IFTAP: variants seen among roughly 807,000 people sequenced by gnomAD.
The protein encoded by IFTAP is intraflagellar transport associated protein.
A neutral mutation model predicts 19.4 loss-of-function variants in IFTAP; 19 were observed. The ratio of observed to expected loss-of-function variants is 0.98; its 90% CI spans 0.68 to 1.44. The LOEUF (loss-of-function observed/expected upper bound fraction) is 1.44. Ranked by LOEUF, IFTAP falls within the 40% of genes most tolerant of loss-of-function variation. The pLI is 0.00. For missense variants in IFTAP, 240 were observed against 253.6 expected (o/e 0.95, Z 0.36); for synonymous variants, 85 against 83.5 (o/e 1.02, Z -0.10).
chr11:36,617,882 C>T (rs1354728678), intron 2 of IFTAP, among the ~76,000 whole-genome samples: 5 of 151,892 alleles, frequency 3.3e-5, no homozygotes, highest in Non-Finnish European at 5.9e-5. Flanking sequence ...TACAATTATA[C>T]CTCTCTCAGA....
chr11:36,648,909 A>G (rs1033261045), intron 5 of IFTAP, among the ~76,000 whole-genome samples: 3 of 152,146 alleles, frequency 2.0e-5, no homozygotes, highest in Admixed American at 2.0e-4. Flanking sequence ...AATCTATGCC[A>G]TATATTTACT....
intron 2 of IFTAP, among the ~76,000 whole-genome samples, chr11:36,628,519 G>C (rs769078025): frequency 6.6e-6 from 1 of 151,130 alleles, no homozygotes; most frequent in Non-Finnish European, 1.5e-5. Context: ...TGCATGTATG[G>C]CTTAACTTCC....
chr11:36,639,622 C>T (rs547824965), intron 4 of IFTAP, among the ~76,000 whole-genome samples: 1 of 152,080 alleles, frequency 6.6e-6, no homozygotes, highest in South Asian at 2.1e-4. Context: ...AAAGAGGTGC[C>T]AGGCTCTTTT....
At chr11:36,642,183 C>T (rs1358001233) in intron 4 of IFTAP, among the ~76,000 whole-genome samples, 1 of 151,910 alleles carries the variant, frequency 6.6e-6, no homozygotes, top group Non-Finnish European at 1.5e-5. Flanking sequence ...ATATCACCAC[C>T]GATCTCACAG....
intron 1 of IFTAP, among the ~76,000 whole-genome samples, chr11:36,603,237 A>C (rs1392655166): frequency 1.3e-5 from 2 of 152,178 alleles, no homozygotes; most frequent in Non-Finnish European, 2.9e-5. Flanking sequence ...GTGAATGAAC[A>C]GGAAAGGGAA....
intron 1 of IFTAP, among the ~76,000 whole-genome samples, chr11:36,599,633 T>C (rs190556386): frequency 2.5e-4 from 38 of 151,616 alleles, no homozygotes; most frequent in African/African-American, 8.3e-4. Context: ...GTGTATATTT[T>C]CAGGGTTGAT....
In IFTAP at chr11:36,624,902, C is replaced by A. The variant is rs1489054890; in HGVS notation, c.137-8382C>A. On this transcript the variant is annotated intron_variant, in intron 2 of 5. Transcript: ENST00000334307. ...GTTGCATGAGCGAGAAATAAACTTC[C>A]ACTTTGTTTAAGCTGTTGTTACTTT... 4.6e-5 allele frequency among the ~76,000 whole-genome samples: 7 copies of A among 152,238 alleles called. No individual in the cohort carries two copies. In the East Asian group the frequency reaches 1.4e-3, roughly 29 times the overall value.
At chr11:36,653,459 G>A (rs1037035513) in intron 5 of IFTAP, among the ~76,000 whole-genome samples, 1 of 152,116 alleles carries the variant, frequency 6.6e-6, no homozygotes, top group Non-Finnish European at 1.5e-5. Context: ...AGGGGACTTG[G>A]TGTTCCATTG....
At chr11:36,608,992 T>G (rs563760670) in intron 1 of IFTAP, among the ~76,000 whole-genome samples, 6 of 152,338 alleles carry the variant, frequency 3.9e-5, no homozygotes, top group African/African-American at 1.4e-4. Context: ...GCCAGCTCTA[T>G]GCCACATCCT....
chr11:36,616,944 C>T (rs914017231), intron 2 of IFTAP, among the ~76,000 whole-genome samples: 22 of 151,408 alleles, frequency 1.5e-4, no homozygotes, highest in Admixed American at 1.3e-3. Flanking sequence ...TAGGTGAATC[C>T]GTTTCTTTAA....
At chr11:36,637,552 G>C (rs931493699) in intron 4 of IFTAP, among the ~76,000 whole-genome samples, 4 of 152,120 alleles carry the variant, frequency 2.6e-5, no homozygotes, top group Non-Finnish European at 4.4e-5. Flanking sequence ...TGATTTGGGG[G>C]AGGGAACCTT....
At chr11:36,603,741 G>A (rs1463119879) in intron 1 of IFTAP, among the ~76,000 whole-genome samples, 1 of 152,168 alleles carries the variant, frequency 6.6e-6, no homozygotes, top group Non-Finnish European at 1.5e-5. Context: ...GGCCAACATG[G>A]TGAAACCCTG....
In IFTAP at chr11:36,625,052, A is replaced by G. The variant is rs960893933; in HGVS notation, c.137-8232A>G. Among the ~76,000 whole-genome samples, 8 of 152,156 alleles carry G rather than the reference A, an allele frequency of 5.3e-5. No individual in the cohort carries two copies. In the South Asian group the frequency reaches 6.2e-4, roughly 12 times the overall value. ...ATTTTTTATGTTTATTAATATGTAT[A>G]TATGTATTCAGTTATTAGTTAAGAA... On this transcript the variant is annotated intron_variant, in intron 2 of 5. Transcript: ENST00000334307.
At chr11:36,634,814 AT>A (rs61621909) in intron 3 of IFTAP, among the ~76,000 whole-genome samples, 23,461 of 151,698 alleles carry the variant, frequency 0.15, 2,617 homozygotes, top group African/African-American at 0.31. Context: ...TGTCCTTACA[AT>A]TTTTTTTTAT....
At chr11:36,617,803 T>G (rs1034500808) in intron 2 of IFTAP, among the ~76,000 whole-genome samples, 10 of 152,010 alleles carry the variant, frequency 6.6e-5, no homozygotes, top group Non-Finnish European at 1.5e-4. Flanking sequence ...GAACTGAAAG[T>G]CATTGTAGAT....
At chr11:36,600,371 T>A (rs1203071152) in intron 1 of IFTAP, among the ~76,000 whole-genome samples, 4 of 152,238 alleles carry the variant, frequency 2.6e-5, no homozygotes, top group Non-Finnish European at 5.9e-5. Context: ...CCGGCAAGCC[T>A]TACTGCCTGA....
intron 5 of IFTAP, among the ~76,000 whole-genome samples, chr11:36,651,041 C>G (rs1424637442): frequency 6.6e-6 from 1 of 152,150 alleles, no homozygotes; most frequent in African/African-American, 2.4e-5. Context: ...TTTATAGCAG[C>G]ATGATTTATA....
chr11:36,606,729 T>G (rs1171910259), intron 1 of IFTAP, among the ~76,000 whole-genome samples: 5 of 152,260 alleles, frequency 3.3e-5, no homozygotes, highest in African/African-American at 1.2e-4. Context: ...GGTATTTGTT[T>G]GCTGAAGTAA....
chr11:36,649,400 A>G (rs1310898918), intron 5 of IFTAP, among the ~76,000 whole-genome samples: 1 of 152,184 alleles, frequency 6.6e-6, no homozygotes, highest in South Asian at 2.1e-4. Context: ...GTAAAAAGCT[A>G]AAATTATAAG....
Sources: gnomAD v4.1 joint callset for allele counts (sites outside exome capture counted in the v4.1 genomes callset) on GRCh38, gnomAD v4.1.1 for gene constraint, MANE v1.5 for transcripts, NCBI Gene and HGNC (gene_info 2026-07-23, HGNC 2026-07-21) for gene names.